Variants in A4GALT observed in about 807,000 individuals in gnomAD.
The protein encoded by A4GALT is alpha 1,4-galactosyltransferase (P1PK blood group).
For synonymous variants in A4GALT, 257 were observed against 220.7 expected (o/e 1.16, Z -1.46); for missense variants, 512 against 486.0 (o/e 1.05, Z -0.50).
intron 1 of A4GALT, among the ~76,000 whole-genome samples, chr22:42,706,354 C>T (rs201009535): frequency 3.9e-4 from 33 of 83,704 alleles, no homozygotes; most frequent in South Asian, 1.7e-3. Flanking sequence ...GACTCCATCC[C>T]AAAAAAAAAA....
intron 1 of A4GALT, among the ~76,000 whole-genome samples, chr22:42,703,057 C>CTGTGTGTGTGTGTG (rs71311456): frequency 2.2e-5 from 3 of 134,340 alleles, no homozygotes; most frequent in Admixed American, 7.1e-5. Context: ...TGCTGCCCTG[C>CTGTGTGTGTGTGTG]TGTGTGTGTG....
Position 42,693,149 on chromosome 22 carries a change from G to C in A4GALT, c.803C>G (p.Ala268Gly). 1 of 1,599,124 alleles carries C rather than the reference G, an allele frequency of 6.3e-7. No individual in the cohort carries two copies. The highest frequency in any genetic ancestry group is 1.1e-5 in the South Asian group (1 of 89,666). ...GACGCCGCGGCAGGCGCGGCTCTCG[G>C]CCAGGCTGCGGATGGAACACCACTT... The part of the protein sequence containing the change: ...FKKWCSIRSL[A>G]ESRACRGVTT... The change falls in exon 3 of 3, where the codon GCC (alanine) becomes GGC (glycine). Residue 268 changes from alanine (A) to glycine (G), a missense_variant. Physicochemically the swap from Ala to Gly is moderately conservative, Grantham distance 60. Coordinates refer to ENST00000642412, the MANE Select transcript of A4GALT (RefSeq NM_017436.7).
At chr22:42,696,547 C>CCTCT (rs913953784) in intron 1 of A4GALT, among the ~76,000 whole-genome samples, 21 of 152,008 alleles carry the variant, frequency 1.4e-4, no homozygotes, top group African/African-American at 4.8e-4. Context: ...TGGCTCCAGA[C>CCTCT]CTCTGCAAGC....
intron 1 of A4GALT, among the ~76,000 whole-genome samples, chr22:42,715,771 G>A (rs1238211071): frequency 7.3e-5 from 11 of 151,170 alleles, no homozygotes; most frequent in Admixed American, 6.6e-5. Context: ...ACCCCCTTCA[G>A]CCTCCTAAAG....
intron 1 of A4GALT, among the ~76,000 whole-genome samples, chr22:42,698,025 C>CCA (rs1931055103): frequency 2.0e-5 from 3 of 151,714 alleles, no homozygotes; most frequent in Non-Finnish European, 2.9e-5. Context: ...CTGAGGTGGG[C>CCA]GGATCATGAA....
rs557643309 is a variant in A4GALT at position 42,705,969 on chromosome 22, G to T, written c.-187-10338C>A. 7.0e-5 allele frequency among the ~76,000 whole-genome samples: 8 copies of T among 114,276 alleles called. 3 individuals are homozygous for T. Among genetic ancestry groups the T allele is most frequent in the Non-Finnish European group, 1.4e-4 (7 of 49,904 alleles). The allele number at this position is 114,276 out of a possible 152,430, so 75.0% of individuals were successfully genotyped here. On this transcript the variant is annotated intron_variant, in intron 1 of 2. Transcript: ENST00000642412. ...CTCGGGAGGCTGAGGCAGGAGAATC[G>T]CTTGAACCTGGGAAGTGGAGGTTGC...
chr22:42,692,273 CT>C lies in A4GALT; in HGVS notation c.*616del, dbSNP rs1312874299. On this transcript the variant is annotated 3_prime_UTR_variant, in exon 3 of 3. Transcript: ENST00000642412. This position sits in a 1 kb window ranked among gnomAD's most constrained non-coding sequence, Gnocchi z 4.6. ...GAAGGGGCAGAGCATACACGCCCCC[CT>C]GGCATCTCTGGAGAGGAAGAAGGAT... 4.1e-6 allele frequency: 1 copy of C among 241,920 alleles called. No individual in the cohort carries two copies. The highest frequency in any genetic ancestry group is 8.2e-6 in the Non-Finnish European group (1 of 121,828). The allele number at this position is 241,920 out of a possible 1,614,324, so 15.0% of individuals were successfully genotyped here. A position where few individuals can be genotyped will look rare whatever the true frequency, so the allele number is the denominator to read the frequency against.
intron 1 of A4GALT, among the ~76,000 whole-genome samples, chr22:42,712,104 A>G (rs940849640): frequency 2.6e-5 from 4 of 152,230 alleles, no homozygotes; most frequent in African/African-American, 9.6e-5. Flanking sequence ...TTAGCTCTTC[A>G]TGGTAAAGTA....
chr22:42,698,456 A>C (rs1352041889), intron 1 of A4GALT, among the ~76,000 whole-genome samples: 4 of 152,128 alleles, frequency 2.6e-5, no homozygotes, highest in African/African-American at 9.7e-5. Context: ...ACCTGTCCCT[A>C]CAGTAAGGGC....
intron 1 of A4GALT, among the ~76,000 whole-genome samples, chr22:42,699,542 G>A (rs1456854452): frequency 6.6e-6 from 1 of 152,154 alleles, no homozygotes; most frequent in South Asian, 2.1e-4. Flanking sequence ...GGCCCGGGGA[G>A]CTGACTGAGG....
At position 42,715,591 on chromosome 22, in the gene A4GALT, G is replaced by A. The variant is rs937950183; in HGVS notation, c.-188+5206C>T. Among the ~76,000 whole-genome samples the A allele has an allele frequency of 2.0e-5, 3 of 152,202 alleles. No homozygotes were observed. In the East Asian group the frequency reaches 5.8e-4, roughly 30 times the overall value. On this transcript the variant is annotated intron_variant, in intron 1 of 2. Coordinates refer to ENST00000642412, the MANE Select transcript of A4GALT (RefSeq NM_017436.7). ...TAGCAGGGAATGGTGGAGGGTGCCT[G>A]TGGTCCCAGCTACTCAGGAGGCTGA...
chr22:42,693,378 C>G lies in A4GALT; in HGVS notation c.574G>C (p.Asp192His). The change falls in exon 3 of 3, where the codon GAC (aspartate) becomes CAC (histidine). Residue 192 changes from aspartate to histidine, a missense_variant. By Grantham distance (81) the Asp-to-His change is moderately conservative. Transcript: ENST00000642412. ...LMWKFGGIYLDTDFIVLKNLR... is the reference protein window; with the variant it reads ...LMWKFGGIYLHTDFIVLKNLR... The stretch of plus-strand genomic sequence containing the variant: ...TTCTTGAGAACAATGAAGTCCGTGT[C>G]CAGGTAGATGCCGCCGAACTTCCAC... The G allele has an allele frequency of 1.2e-6, 2 of 1,613,340 alleles. No individual in the cohort carries two copies. Among genetic ancestry groups the G allele is most frequent in the East Asian group, 2.2e-5 (1 of 44,874 alleles).
intron 1 of A4GALT, among the ~76,000 whole-genome samples, chr22:42,715,873 C>T (rs545203733): frequency 2.2e-3 from 324 of 144,160 alleles, no homozygotes; most frequent in African/African-American, 8.1e-3. Context: ...GCTCTTTTTG[C>T]CCAGGCTGGA....
At position 42,706,138 on chromosome 22, in the gene A4GALT, G is replaced by A. The variant is rs577548961; in HGVS notation, c.-187-10507C>T. On this transcript the variant is annotated intron_variant, in intron 1 of 2. Coordinates refer to ENST00000642412, the MANE Select transcript of A4GALT (RefSeq NM_017436.7). ...TGGGAGGCCAAGGCGGGCGGATCACGAGGTCAGGAGATCGAGACCATCCTG... is the reference window on the plus strand; with the variant it reads ...TGGGAGGCCAAGGCGGGCGGATCACAAGGTCAGGAGATCGAGACCATCCTG... 4.0e-4 allele frequency among the ~76,000 whole-genome samples: 33 copies of A among 81,686 alleles called. 8 individuals are homozygous for A. In the South Asian group the frequency reaches 0.014, roughly 34 times the overall value. 53.6% of individuals were successfully genotyped at this position (81,686 alleles called of 152,430 possible). A position where few individuals can be genotyped will look rare whatever the true frequency, so the allele number is the denominator to read the frequency against.
intron 1 of A4GALT, among the ~76,000 whole-genome samples, chr22:42,714,056 C>G (rs1921934063): frequency 6.6e-6 from 1 of 151,856 alleles, no homozygotes; most frequent in South Asian, 2.1e-4. Flanking sequence ...CTTTGGGAGG[C>G]TGAGGCAGGA....
At chr22:42,716,018 G>C (rs1414953731) in intron 1 of A4GALT, among the ~76,000 whole-genome samples, 1 of 152,054 alleles carries the variant, frequency 6.6e-6, no homozygotes, top group Non-Finnish European at 1.5e-5. Context: ...TTTTAGTAGA[G>C]ATAGGGTTTC....
At chr22:42,715,932 AAGCGATTCTTCTGCCTC>A (rs1333567350) in intron 1 of A4GALT, among the ~76,000 whole-genome samples, 7 of 151,254 alleles carry the variant, frequency 4.6e-5, no homozygotes, top group Non-Finnish European at 8.8e-5. Flanking sequence ...TCCTGCGTTC[AAGCGATTCTTCTGCCTC>A]AGCCTCCTGA....
intron 1 of A4GALT, among the ~76,000 whole-genome samples, chr22:42,698,231 A>T (rs1931069699): frequency 7.3e-6 from 1 of 137,242 alleles, no homozygotes; most frequent in Non-Finnish European, 1.6e-5. Flanking sequence ...CTGGCAATAG[A>T]GCGAGACTCC....
rs28915380 is a variant in A4GALT, at chr22:42,694,225, C to A, written c.-46-228G>T. ...TGAGCAGGGTCCCTTCCACTCTCTG[C>A]GACACACCTGTGAGCTCACCCAAGG... On this transcript the variant is annotated intron_variant, in intron 2 of 2. Transcript: ENST00000642412. Among the ~76,000 whole-genome samples, 52 of 152,350 alleles carry A rather than the reference C, an allele frequency of 3.4e-4. 1 individual carries two copies. In the East Asian group the frequency reaches 8.7e-3, roughly 25 times the overall value.
Sources: gnomAD v4.1 joint callset for allele counts (sites outside exome capture counted in the v4.1 genomes callset) on GRCh38, gnomAD v4.1.1 for gene constraint, Gnocchi (gnomAD v3.1) non-coding constraint, MANE v1.5 for transcripts, NCBI Gene and HGNC (gene_info 2026-07-23, HGNC 2026-07-21) for gene names.